Variants in MACROD2 observed in about 807,000 individuals in gnomAD.
The protein encoded by MACROD2 is mono-ADP ribosylhydrolase 2, also known as ADP-ribose glycohydrolase MACROD2.
In MACROD2, 36 loss-of-function variants were observed where a neutral mutation model predicts 70.4. The ratio of observed to expected loss-of-function variants is 0.51; its 90% CI spans 0.39 to 0.68. The LOEUF is 0.68. MACROD2 is among the 30% of genes least tolerant of loss of function. MACROD2 has a pLI of 0.00. For missense variants in MACROD2, 496 were observed against 538.4 expected, an observed-to-expected ratio of 0.92 and a Z score of 0.78; for synonymous variants, 172 against 178.8, an observed-to-expected ratio of 0.96 and a Z score of 0.30.
chr20:15,980,415 T>G (rs1051863428), intron 13 of MACROD2, among the ~76,000 whole-genome samples: 3 of 152,244 alleles, frequency 2.0e-5, no homozygotes, highest in African/African-American at 7.2e-5. Flanking sequence ...GCTACTTATT[T>G]TTTTTGTTCA....
chr20:15,061,455 C>A (rs56330183), intron 5 of MACROD2, among the ~76,000 whole-genome samples: 1 of 152,214 alleles, frequency 6.6e-6, no homozygotes, highest in African/African-American at 2.4e-5. Context: ...GCTCTAGTAG[C>A]CTGCAGTGGT....
intron 8 of MACROD2, among the ~76,000 whole-genome samples, chr20:15,810,757 G>C (rs1391801846): frequency 6.6e-6 from 1 of 152,140 alleles, no homozygotes; most frequent in Non-Finnish European, 1.5e-5. Context: ...CAATGGAACA[G>C]AACAGTGCCC....
chr20:15,999,110 T>G (rs879218415), intron 15 of MACROD2, among the ~76,000 whole-genome samples: 1 of 152,146 alleles, frequency 6.6e-6, no homozygotes, highest in African/African-American at 2.4e-5. Context: ...CTTTTTTTCT[T>G]AATGTAGGCA....
At chr20:15,631,655 G>T (rs1205303092) in intron 8 of MACROD2, among the ~76,000 whole-genome samples, 7 of 152,246 alleles carry the variant, frequency 4.6e-5, no homozygotes, top group African/African-American at 1.7e-4. Context: ...GGCTTGGGCA[G>T]GGGAATGCCC....
chr20:15,394,504 C>T (rs193129278), intron 6 of MACROD2, among the ~76,000 whole-genome samples: 1 of 152,304 alleles, frequency 6.6e-6, no homozygotes, highest in African/African-American at 2.4e-5. Context: ...AATTATTCCT[C>T]TTGCACAGTC....
At chr20:14,955,820 G>A (rs1055110155) in intron 5 of MACROD2, among the ~76,000 whole-genome samples, 1 of 152,080 alleles carries the variant, frequency 6.6e-6, no homozygotes, top group Non-Finnish European at 1.5e-5. Context: ...GGAGAGAGGG[G>A]GAAGCGAAGG....
chr20:14,074,030 T>TA (rs1215781114), intron 2 of MACROD2, among the ~76,000 whole-genome samples: 1 of 152,082 alleles, frequency 6.6e-6, no homozygotes, highest in Non-Finnish European at 1.5e-5. Context: ...AACATTTCGG[T>TA]ATCTGATCAA....
chr20:14,725,715 G>T (rs1474347088), intron 5 of MACROD2, among the ~76,000 whole-genome samples: 2 of 152,102 alleles, frequency 1.3e-5, no homozygotes, highest in Non-Finnish European at 2.9e-5. Context: ...GGTGACCGCT[G>T]GGAAACAATA....
chr20:13,995,863 CGGG>C lies in MACROD2; in HGVS notation c.46+57_46+59del. 1 of 412,924 alleles carries C rather than the reference CGGG, an allele frequency of 2.4e-6. No individual in the cohort carries two copies. Among genetic ancestry groups the C allele is most frequent in the Non-Finnish European group, 4.6e-6 (1 of 215,402 alleles). 25.6% of individuals were successfully genotyped at this position (412,924 alleles called of 1,614,324 possible). On this transcript the variant is annotated intron_variant, in intron 1 of 17. Coordinates refer to ENST00000684519, the MANE Select transcript of MACROD2 (RefSeq NM_001351661.2). This position sits in a 1 kb window ranked among gnomAD's most constrained non-coding sequence, Gnocchi z 4.3. ...CGGGCGGTGGGGGTTAGGGTGGGGG[CGGG>C]GGTCAGGCTGTGTGTGCCGCGGCGC...
chr20:14,462,128 G>A lies in MACROD2; in HGVS notation c.272-31351G>A, dbSNP rs1037709870. Among the ~76,000 whole-genome samples, 7 of 152,010 alleles carry A rather than the reference G, an allele frequency of 4.6e-5. No homozygotes were observed. In the East Asian group the frequency reaches 7.7e-4, roughly 17 times the overall value. ...CGCCACACCGACTTCCACAATGGTTGAACTAGTTTACAGTCCCACCAACAG... is the reference window on the plus strand; with the variant it reads ...CGCCACACCGACTTCCACAATGGTTAAACTAGTTTACAGTCCCACCAACAG... On this transcript the variant is annotated intron_variant, in intron 3 of 17. Transcript: ENST00000684519.
In MACROD2 at chr20:15,483,187, T is replaced by G. The variant is rs139029024; in HGVS notation, c.572-16587T>G. Among the ~76,000 whole-genome samples the G allele has an allele frequency of 3.2e-3, 492 of 152,344 alleles. 2 individuals are homozygous for G. Among genetic ancestry groups the G allele is most frequent in the African/African-American group, 0.011 (456 of 41,580 alleles). ...CTGTTATCCCCTAGGAGTTTTATAG[T>G]TCCTTGTTTTAAATTTAGGACTATT... On this transcript the variant is annotated intron_variant, in intron 7 of 17. Coordinates refer to ENST00000684519, the MANE Select transcript of MACROD2 (RefSeq NM_001351661.2).
Position 15,336,250 on chromosome 20 carries a change from T to C in MACROD2, c.541-95155T>C, listed in dbSNP as rs974464687. On this transcript the variant is annotated intron_variant, in intron 6 of 17. Coordinates refer to ENST00000684519, the MANE Select transcript of MACROD2 (RefSeq NM_001351661.2). ...CCGCAGGTAGCACTGTGCTTTTAGA[T>C]GAAGCTCAGTAGGTGGAGGCTTAAT... Among the ~76,000 whole-genome samples, 8 of 151,486 alleles carry C rather than the reference T, an allele frequency of 5.3e-5. No homozygotes were observed. The South Asian group carries it at 8.3e-4, about 16-fold the overall frequency.
At chr20:14,409,514 C>T (rs1263869436) in intron 3 of MACROD2, among the ~76,000 whole-genome samples, 2 of 151,790 alleles carry the variant, frequency 1.3e-5, no homozygotes, top group Admixed American at 1.3e-4. Context: ...GTCATCCAGG[C>T]CAAGTAACCA....
intron 8 of MACROD2, among the ~76,000 whole-genome samples, chr20:15,841,839 C>G (rs1422436174): frequency 6.6e-6 from 1 of 152,062 alleles, no homozygotes; most frequent in Non-Finnish European, 1.5e-5. Flanking sequence ...ATGGGTTCAG[C>G]TAGATATCCA....
chr20:14,294,516 C>G (rs2082411491), intron 3 of MACROD2, among the ~76,000 whole-genome samples: 2 of 151,656 alleles, frequency 1.3e-5, no homozygotes. Flanking sequence ...TGTTAGTATT[C>G]TTTTATGTGT....
chr20:14,336,603 T>G (rs1415429620), intron 3 of MACROD2, among the ~76,000 whole-genome samples: 6 of 152,212 alleles, frequency 3.9e-5, no homozygotes, highest in Non-Finnish European at 7.3e-5. Context: ...CTCTACTCAT[T>G]TATTTTTCTT....
chr20:14,974,342 C>T (rs1265194894), intron 5 of MACROD2, among the ~76,000 whole-genome samples: 2 of 152,090 alleles, frequency 1.3e-5, no homozygotes, highest in Non-Finnish European at 2.9e-5. Context: ...GAATATGGGT[C>T]ACCATAAAGT....
intron 3 of MACROD2, among the ~76,000 whole-genome samples, chr20:14,266,530 A>G (rs1490079895): frequency 2.6e-5 from 4 of 152,174 alleles, no homozygotes; most frequent in Non-Finnish European, 5.9e-5. Flanking sequence ...ATGTCTGGGC[A>G]TAGACATCTA....
intron 3 of MACROD2, among the ~76,000 whole-genome samples, chr20:14,431,951 C>A (rs905818534): frequency 1.4e-4 from 22 of 152,136 alleles, no homozygotes; most frequent in Non-Finnish European, 2.5e-4. Flanking sequence ...AGAGTACTTC[C>A]ACAGCAGAGG....
Sources: gnomAD v4.1 joint callset for allele counts (sites outside exome capture counted in the v4.1 genomes callset) on GRCh38, gnomAD v4.1.1 for gene constraint, Gnocchi (gnomAD v3.1) non-coding constraint, MANE v1.5 for transcripts, NCBI Gene and HGNC (gene_info 2026-07-23, HGNC 2026-07-21) for gene names.